The following AMBRA1 variants were observed in gnomAD, a reference collection of about 807,000 sequenced individuals.
AMBRA1 encodes the protein activating molecule in BECN1-regulated autophagy protein 1.
AMBRA1 carries 47 observed loss-of-function variants against 125.4 expected under a neutral mutation model. The ratio of observed to expected loss-of-function variants is 0.37; its 90% CI spans 0.30 to 0.48. The LOEUF (loss-of-function observed/expected upper bound fraction) is 0.48. Ranked by LOEUF, AMBRA1 falls within the 20% of genes least tolerant of loss-of-function variation. AMBRA1 has a pLI of 0.99. For synonymous variants in AMBRA1, 626 were observed against 655.5 expected (o/e 0.95, Z 0.69); for missense variants, 1,331 against 1,693.4 (o/e 0.79, Z 3.76).
chr11:46,591,576 G>C (rs1272555045), intron 1 of AMBRA1, among the ~76,000 whole-genome samples: 1 of 152,134 alleles, frequency 6.6e-6, no homozygotes, highest in African/African-American at 2.4e-5. Context: ...CACTCTCTTA[G>C]CCGGGCGCGG....
chr11:46,408,271 G>A (rs1946119485), intron 17 of AMBRA1, among the ~76,000 whole-genome samples: 1 of 152,134 alleles, frequency 6.6e-6, no homozygotes, highest in Non-Finnish European at 1.5e-5. Flanking sequence ...CTCTCTCTTT[G>A]GAAAAAGAGA....
chr11:46,526,897 C>T (rs535780068), intron 7 of AMBRA1, among the ~76,000 whole-genome samples: 1 of 152,322 alleles, frequency 6.6e-6, no homozygotes, highest in Non-Finnish European at 1.5e-5. Flanking sequence ...GGTTAGTTTA[C>T]AGCCAAAATC....
chr11:46,586,148 T>C (rs553685081), intron 1 of AMBRA1, among the ~76,000 whole-genome samples: 9 of 152,342 alleles, frequency 5.9e-5, no homozygotes, highest in Non-Finnish European at 1.3e-4. Flanking sequence ...GGCTCACACC[T>C]GTAATTCCAG....
At position 46,417,894 on chromosome 11, in the gene AMBRA1, C is replaced by T; in HGVS notation, c.3116+19G>A. On this transcript the variant is annotated intron_variant, in intron 15 of 17. Coordinates refer to ENST00000683756, the MANE Select transcript of AMBRA1 (RefSeq NM_001387011.1). ...TCGGCCCCAGTGATCCCTCAACCCC[C>T]ACACTTTAAGCCACTTACTCTGGTC... is the stretch of plus-strand genomic sequence containing the variant. 3 of 1,594,100 alleles carry T rather than the reference C, an allele frequency of 1.9e-6. No individual in the cohort carries two copies. The highest frequency in any genetic ancestry group is 2.6e-6 in the Non-Finnish European group (3 of 1,165,758).
At chr11:46,532,988 C>A (rs1292201328) in intron 7 of AMBRA1, among the ~76,000 whole-genome samples, 1 of 152,006 alleles carries the variant, frequency 6.6e-6, no homozygotes, top group East Asian at 1.9e-4. Flanking sequence ...CATGGTGAAA[C>A]CCTGTCTCTA....
chr11:46,523,319 A>G (rs1386251732), intron 7 of AMBRA1, among the ~76,000 whole-genome samples: 1 of 152,134 alleles, frequency 6.6e-6, no homozygotes, highest in Non-Finnish European at 1.5e-5. Flanking sequence ...TGGACTCAAC[A>G]TTTGACTCTA....
rs1215590124 is a variant in AMBRA1, at chr11:46,543,391, T to C, written c.626A>G (p.Asp209Gly). ...IVNPSNQQGD[D>G]EPEIPIDGTE... is the part of the protein sequence containing the mutation. ...TCCATCTATGGGGATCTCTGGTTCG[T>C]CATCACCCTGCAACGTGGACCAGCA... The change falls in exon 7 of 18, where the codon GAC becomes GGC. Residue 209 changes from aspartate to glycine, a missense_variant. This residue lies in a region of AMBRA1 where 689 missense variants were observed against 776.5 expected (regional missense o/e 0.89). Transcript: ENST00000683756. The C allele has an allele frequency of 6.2e-7, 1 of 1,613,708 alleles. No homozygotes were observed. The highest frequency in any genetic ancestry group is 1.1e-5 in the South Asian group (1 of 91,066).
At chr11:46,507,176 C>CAAAAAA (rs59385965) in intron 9 of AMBRA1, among the ~76,000 whole-genome samples, 11 of 31,500 alleles carry the variant, frequency 3.5e-4, no homozygotes, top group African/African-American at 1.4e-3. Context: ...GACTCCGTCT[C>CAAAAAA]AAAAAAAAAA....
At chr11:46,442,908 G>A (rs1417342567) in intron 12 of AMBRA1, among the ~76,000 whole-genome samples, 2 of 152,160 alleles carry the variant, frequency 1.3e-5, no homozygotes, top group African/African-American at 4.8e-5. Flanking sequence ...TTTTAGTAGA[G>A]ACAGGGTTTT....
intron 16 of AMBRA1, among the ~76,000 whole-genome samples, chr11:46,409,668 G>A (rs1216175747): frequency 1.3e-5 from 2 of 152,202 alleles, no homozygotes; most frequent in South Asian, 2.1e-4. Context: ...GCTGGAGCTG[G>A]CAGCAGAGGC....
chr11:46,513,882 C>CT (rs776154052), intron 7 of AMBRA1, among the ~76,000 whole-genome samples: 2,272 of 140,940 alleles, frequency 0.016, 60 homozygotes, highest in African/African-American at 0.052. Flanking sequence ...TTAGCTACAA[C>CT]TTTTTTTTTT....
At chr11:46,589,842 T>G (rs1414298265) in intron 1 of AMBRA1, among the ~76,000 whole-genome samples, 1 of 151,522 alleles carries the variant, frequency 6.6e-6, no homozygotes, top group Non-Finnish European at 1.5e-5. Context: ...CAGGATGGTC[T>G]CAATCTCCTG....
intron 11 of AMBRA1, among the ~76,000 whole-genome samples, chr11:46,482,647 C>A (rs1033094348): frequency 1.3e-5 from 2 of 152,130 alleles, no homozygotes; most frequent in African/African-American, 4.8e-5. Flanking sequence ...CCTTTGTACC[C>A]TGGACCAGTT....
chr11:46,528,271 A>T (rs1952066771), intron 7 of AMBRA1, among the ~76,000 whole-genome samples: 1 of 152,220 alleles, frequency 6.6e-6, no homozygotes, highest in Non-Finnish European at 1.5e-5. Context: ...CTCCAGGTTC[A>T]AGCGATTCTC....
At chr11:46,537,871 A>G (rs1312494485) in intron 7 of AMBRA1, among the ~76,000 whole-genome samples, 1 of 152,202 alleles carries the variant, frequency 6.6e-6, no homozygotes, top group Non-Finnish European at 1.5e-5. Flanking sequence ...TTCAAGTACA[A>G]TCACCTTTTA....
intron 7 of AMBRA1, chr11:46,518,519 T>C (rs1365047313): frequency 6.5e-6 from 1 of 152,960 alleles, no homozygotes; most frequent in African/African-American, 2.4e-5. Context: ...TACAGCAGGT[T>C]TGGTAAACTA....
chr11:46,514,978 G>C (rs938505825), intron 7 of AMBRA1, among the ~76,000 whole-genome samples: 1 of 152,194 alleles, frequency 6.6e-6, no homozygotes, highest in Non-Finnish European at 1.5e-5. Flanking sequence ...TAACAAACCA[G>C]TTCTTCAGGA....
At chr11:46,577,977 C>A (rs550091941) in intron 1 of AMBRA1, among the ~76,000 whole-genome samples, 60 of 151,914 alleles carry the variant, frequency 3.9e-4, no homozygotes, top group Non-Finnish European at 8.2e-4. Context: ...AAAACAAAAA[C>A]GCTAGAAGCT....
At chr11:46,566,433 G>A (rs989591513) in intron 1 of AMBRA1, among the ~76,000 whole-genome samples, 8 of 151,522 alleles carry the variant, frequency 5.3e-5, no homozygotes, top group Non-Finnish European at 8.8e-5. Context: ...AAAAAAAAAA[G>A]AGTGGAGCTA....
Sources: allele counts gnomAD v4.1 joint callset (sites outside exome capture counted in the v4.1 genomes callset), GRCh38; gene constraint gnomAD v4.1.1; regional missense constraint gnomAD v4.1.1; transcripts MANE v1.5; gene names NCBI Gene and HGNC (gene_info 2026-07-23, HGNC 2026-07-21).